C12orf42: variants seen among roughly 807,000 people sequenced by gnomAD.
The protein encoded by C12orf42 is chromosome 12 open reading frame 42.
A neutral mutation model predicts 21.6 loss-of-function variants in C12orf42; 25 were observed. The observed-to-expected ratio is 1.16, with a 90% CI of 0.84 to 1.62. The LOEUF is 1.62. C12orf42 is among the 40% of genes most tolerant of loss of function. C12orf42 has a pLI of 0.00. For synonymous variants in C12orf42, 174 were observed against 175.0 expected, an observed-to-expected ratio of 0.99 and a Z score of 0.05; for missense variants, 483 against 459.3, an observed-to-expected ratio of 1.05 and a Z score of -0.47.
chr12:103,530,686 G>T, the C12orf42 span, among the ~76,000 whole-genome samples: 1 of 152,142 alleles, frequency 6.6e-6, no homozygotes, highest in South Asian at 2.1e-4. Context: ...GGAGGTGAGG[G>T]GTGAAGGAGA....
intron 4 of C12orf42, among the ~76,000 whole-genome samples, chr12:103,294,636 G>GAAAGAA (rs1480779632): frequency 5.8e-4 from 84 of 144,292 alleles, no homozygotes; most frequent in Middle Eastern, 3.5e-3. Flanking sequence ...AAGAAAGAAA[G>GAAAGAA]AAGGAAAAGA....
the C12orf42 span, among the ~76,000 whole-genome samples, chr12:103,561,882 A>C: frequency 1.3e-5 from 2 of 152,138 alleles, no homozygotes; most frequent in Non-Finnish European, 2.9e-5. Context: ...TTCCCTTTTA[A>C]AAAAGTATTA....
At chr12:103,354,060 T>C (rs893587056) in intron 4 of C12orf42, among the ~76,000 whole-genome samples, 8 of 152,168 alleles carry the variant, frequency 5.3e-5, no homozygotes, top group Admixed American at 3.3e-4. Context: ...ACTAAGATGA[T>C]TTGAATCCAT....
At chr12:103,481,922 C>T (rs992460853) in intron 1 of C12orf42, among the ~76,000 whole-genome samples, 6 of 151,596 alleles carry the variant, frequency 4.0e-5, no homozygotes, top group Admixed American at 3.9e-4. Flanking sequence ...TATAATAAAA[C>T]ATGTATACTA....
chr12:103,356,828 G>C (rs1390776759), intron 4 of C12orf42, among the ~76,000 whole-genome samples: 1 of 151,916 alleles, frequency 6.6e-6, no homozygotes, highest in East Asian at 1.9e-4. Flanking sequence ...GTCTTCTTTT[G>C]AGAAGTGTCT....
At chr12:103,186,183 G>A in the C12orf42 span, among the ~76,000 whole-genome samples, 1 of 152,160 alleles carries the variant, frequency 6.6e-6, no homozygotes, top group Non-Finnish European at 1.5e-5. Flanking sequence ...TGTGGAACTA[G>A]GTCAAGAAAG....
At chr12:103,144,933 G>A in the C12orf42 span, among the ~76,000 whole-genome samples, 1 of 152,078 alleles carries the variant, frequency 6.6e-6, no homozygotes, top group Non-Finnish European at 1.5e-5. Flanking sequence ...TTATATCATT[G>A]TGTCCTTCCC....
At chr12:103,229,718 T>C in the C12orf42 span, among the ~76,000 whole-genome samples, 4 of 152,258 alleles carry the variant, frequency 2.6e-5, no homozygotes, top group African/African-American at 9.6e-5. Flanking sequence ...TTGAATTTTA[T>C]GTAAATTGAA....
chr12:103,383,950 A>T (rs2046385802), intron 3 of C12orf42, among the ~76,000 whole-genome samples: 3 of 152,188 alleles, frequency 2.0e-5, no homozygotes, highest in Admixed American at 2.0e-4. Context: ...GGACAAGGAA[A>T]ATCACCCGAA....
the C12orf42 span, among the ~76,000 whole-genome samples, chr12:103,190,208 G>T: frequency 6.6e-6 from 1 of 152,196 alleles, no homozygotes; most frequent in Admixed American, 6.5e-5. Context: ...GGAGTCTAAT[G>T]TCCAAGGGCA....
At chr12:103,418,015 T>TA (rs1178761301) in intron 2 of C12orf42, among the ~76,000 whole-genome samples, 2 of 152,230 alleles carry the variant, frequency 1.3e-5, no homozygotes, top group Non-Finnish European at 2.9e-5. Flanking sequence ...GAGACATTTT[T>TA]AAAAGATAAC....
chr12:103,352,060 T>C (rs2043144963), intron 4 of C12orf42, among the ~76,000 whole-genome samples: 1 of 151,914 alleles, frequency 6.6e-6, no homozygotes, highest in African/African-American at 2.4e-5. Flanking sequence ...CTCACCCAGC[T>C]ACCACCACAA....
chr12:103,418,965 A>G (rs1196687447), intron 2 of C12orf42, among the ~76,000 whole-genome samples: 1 of 152,120 alleles, frequency 6.6e-6, no homozygotes, highest in Non-Finnish European at 1.5e-5. Context: ...TAAACAGATG[A>G]GTCCTGAACA....
the C12orf42 span, among the ~76,000 whole-genome samples, chr12:103,517,967 G>A: frequency 7.2e-5 from 11 of 152,064 alleles, no homozygotes; most frequent in African/African-American, 2.2e-4. Flanking sequence ...TTTTGTGGTT[G>A]TTTTTAACAT....
At chr12:103,169,049 T>C in the C12orf42 span, among the ~76,000 whole-genome samples, 1 of 151,770 alleles carries the variant, frequency 6.6e-6, no homozygotes, top group Non-Finnish European at 1.5e-5. Context: ...TTAGGAGAAA[T>C]AACTAATGTA....
At chr12:103,457,814 C>A (rs1441200991) in intron 2 of C12orf42, among the ~76,000 whole-genome samples, 2 of 152,146 alleles carry the variant, frequency 1.3e-5, no homozygotes, top group African/African-American at 4.8e-5. Flanking sequence ...AAGTAAAATT[C>A]AATCTTTCTT....
the C12orf42 span, among the ~76,000 whole-genome samples, chr12:103,204,119 G>A: frequency 2.2e-4 from 33 of 152,252 alleles, no homozygotes; most frequent in Admixed American, 2.1e-3. Context: ...GGCCCTGGGA[G>A]ATGCACAGGG....
At chr12:103,463,038 C>T (rs1592921175) in intron 2 of C12orf42, among the ~76,000 whole-genome samples, 3 of 152,160 alleles carry the variant, frequency 2.0e-5, no homozygotes, top group Non-Finnish European at 4.4e-5. Context: ...TGAAACTATT[C>T]CCTCATTTCC....
chr12:103,146,793 C>A, the C12orf42 span, among the ~76,000 whole-genome samples: 1 of 152,138 alleles, frequency 6.6e-6, no homozygotes, highest in African/African-American at 2.4e-5. Context: ...CAATATGAGG[C>A]TAGCACATTT....
Sources: allele counts gnomAD v4.1 joint callset (sites outside exome capture counted in the v4.1 genomes callset), GRCh38; gene constraint gnomAD v4.1.1; transcripts MANE v1.5; gene names NCBI Gene and HGNC (gene_info 2026-07-23, HGNC 2026-07-21).